The following XKR9 variants were observed in gnomAD, a reference collection of about 807,000 sequenced individuals.
The protein encoded by XKR9 is XK related 9, also known as XK-related protein 9.
In XKR9, 32 loss-of-function variants were observed where a neutral mutation model predicts 32.0. The ratio of observed to expected loss-of-function variants is 1.00; its 90% CI spans 0.76 to 1.34. The LOEUF (loss-of-function observed/expected upper bound fraction) is 1.34. Among genes scored for constraint, XKR9 ranks in the 40% most tolerant of loss-of-function variants. The pLI, the probability that XKR9 is intolerant of heterozygous loss-of-function variation, is 0.00. For missense variants in XKR9, 546 were observed against 429.7 expected (o/e 1.27, Z -2.39); for synonymous variants, 168 against 143.4 (o/e 1.17, Z -1.22).
At chr8:70,724,771 C>A (rs1037418175) in intron 4 of XKR9, among the ~76,000 whole-genome samples, 3 of 152,136 alleles carry the variant, frequency 2.0e-5, no homozygotes, top group Non-Finnish European at 4.4e-5. Flanking sequence ...AATCACCCAC[C>A]TTCTGCATTG....
At chr8:71,001,743 T>C in the XKR9 span, among the ~76,000 whole-genome samples, 1 of 152,150 alleles carries the variant, frequency 6.6e-6, no homozygotes, top group Non-Finnish European at 1.5e-5. Flanking sequence ...TAAAGCCTCG[T>C]GAAATAATGG....
the XKR9 span, among the ~76,000 whole-genome samples, chr8:71,010,308 T>C: frequency 6.6e-6 from 1 of 152,188 alleles, no homozygotes; most frequent in Non-Finnish European, 1.5e-5. Context: ...CTTTGGACGA[T>C]TAACATGGAC....
chr8:70,867,108 G>T, the XKR9 span, among the ~76,000 whole-genome samples: 1 of 152,166 alleles, frequency 6.6e-6, no homozygotes, highest in Admixed American at 6.5e-5. Flanking sequence ...CGTGGCTGGG[G>T]AGGCCTCACA....
At chr8:70,782,382 C>T (rs1220507935) in intron 2 of XKR9, among the ~76,000 whole-genome samples, 1 of 152,066 alleles carries the variant, frequency 6.6e-6, no homozygotes, top group Non-Finnish European at 1.5e-5. Flanking sequence ...ATATCCATCA[C>T]TTCAAATACT....
chr8:71,016,061 T>C, the XKR9 span, among the ~76,000 whole-genome samples: 7 of 150,718 alleles, frequency 4.6e-5, no homozygotes, highest in East Asian at 1.4e-3. Context: ...AGCAATCCAT[T>C]TTCCCCCCCG....
intron 2 of XKR9, among the ~76,000 whole-genome samples, chr8:70,776,956 T>TATATATATATATAC (rs1586894181): frequency 7.2e-6 from 1 of 139,850 alleles, no homozygotes; most frequent in Admixed American, 7.4e-5. Context: ...TCTATATATA[T>TATATATATATATAC]ATATATATGT....
chr8:70,986,694 T>C, the XKR9 span, among the ~76,000 whole-genome samples: 14 of 152,348 alleles, frequency 9.2e-5, no homozygotes, highest in East Asian at 2.5e-3. Flanking sequence ...TCATCTGTTC[T>C]GGATATATTT....
downstream of XKR9, among the ~76,000 whole-genome samples, chr8:70,791,103 T>A (rs1807758375): frequency 6.6e-6 from 1 of 152,038 alleles, no homozygotes; most frequent in East Asian, 1.9e-4. Flanking sequence ...ATATAAACAT[T>A]CAGGCCATAG....
the XKR9 span, among the ~76,000 whole-genome samples, chr8:71,049,784 A>G: frequency 1.3e-5 from 2 of 152,190 alleles, no homozygotes; most frequent in African/African-American, 4.8e-5. Context: ...CATATAAGTT[A>G]CATAAAGAGA....
chr8:70,684,235 C>T (rs1819182910), intron 3 of XKR9, among the ~76,000 whole-genome samples: 1 of 152,104 alleles, frequency 6.6e-6, no homozygotes, highest in South Asian at 2.1e-4. Context: ...ACTTTTTTAA[C>T]ATTTTCTTTA....
the XKR9 span, among the ~76,000 whole-genome samples, chr8:70,975,462 C>A: frequency 6.6e-6 from 1 of 152,152 alleles, no homozygotes; most frequent in East Asian, 1.9e-4. Context: ...CTATAAATGG[C>A]TAGCCAGTTT....
chr8:70,689,520 C>A (rs2132129834), intron 3 of XKR9, among the ~76,000 whole-genome samples: 1 of 148,588 alleles, frequency 6.7e-6, no homozygotes. Context: ...TGTATATTAG[C>A]CCCGGAGCTT....
At chr8:70,978,759 T>C in the XKR9 span, among the ~76,000 whole-genome samples, 2 of 152,150 alleles carry the variant, frequency 1.3e-5, no homozygotes, top group East Asian at 1.9e-4. Context: ...TTCTCTGTAT[T>C]TCCTCAATTT....
chr8:70,743,120 T>G (rs1328119384), intron 2 of XKR9, among the ~76,000 whole-genome samples: 1 of 152,106 alleles, frequency 6.6e-6, no homozygotes, highest in Non-Finnish European at 1.5e-5. Context: ...TCTCTGTTCT[T>G]TAGATTGGAG....
the XKR9 span, among the ~76,000 whole-genome samples, chr8:70,893,988 G>A: frequency 6.6e-6 from 1 of 151,978 alleles, no homozygotes; most frequent in South Asian, 2.1e-4. Context: ...GCACTCCCTG[G>A]CATCTTGGGC....
chr8:70,976,731 A>C, the XKR9 span, among the ~76,000 whole-genome samples: 7 of 152,174 alleles, frequency 4.6e-5, no homozygotes, highest in African/African-American at 1.7e-4. Context: ...TGCTGGCCCC[A>C]TAAAATGAGT....
At chr8:70,908,365 A>G in the XKR9 span, among the ~76,000 whole-genome samples, 2 of 152,154 alleles carry the variant, frequency 1.3e-5, no homozygotes, top group Non-Finnish European at 2.9e-5. Flanking sequence ...ATGATCACGA[A>G]GTTCTGTCAA....
At chr8:70,973,852 A>G in the XKR9 span, among the ~76,000 whole-genome samples, 2 of 152,154 alleles carry the variant, frequency 1.3e-5, no homozygotes, top group African/African-American at 2.4e-5. Context: ...GATTTTTTAA[A>G]ATTTTTTGAG....
the XKR9 span, among the ~76,000 whole-genome samples, chr8:70,911,343 A>G: frequency 5.3e-5 from 8 of 152,192 alleles, no homozygotes; most frequent in Admixed American, 5.2e-4. Context: ...TTACTTACAA[A>G]TATACCCTCC....
Sources: gnomAD v4.1 joint callset for allele counts (sites outside exome capture counted in the v4.1 genomes callset) on GRCh38, gnomAD v4.1.1 for gene constraint, MANE v1.5 for transcripts, NCBI Gene and HGNC (gene_info 2026-07-23, HGNC 2026-07-21) for gene names.